SLC23A2: variants seen among roughly 807,000 people sequenced by gnomAD.
The protein encoded by SLC23A2 is solute carrier family 23 member 2.
A neutral mutation model predicts 73.3 loss-of-function variants in SLC23A2; 36 were observed. The ratio of observed to expected loss-of-function variants is 0.49; its 90% CI spans 0.38 to 0.65. The LOEUF is 0.65. SLC23A2 is among the 30% of genes least tolerant of loss of function. The pLI, the probability that SLC23A2 is intolerant of heterozygous loss-of-function variation, is 0.00. For synonymous variants in SLC23A2, 343 were observed against 327.3 expected (o/e 1.05, Z -0.52); for missense variants, 507 against 841.6 (o/e 0.60, Z 4.92).
chr20:4,873,736 G>A, intron 11 of SLC23A2, 200 bp downstream of exon 11: 1 of 483,430 alleles, frequency 2.1e-6, no homozygotes, highest in Non-Finnish European at 3.6e-6. Flanking sequence ...ATGTGAGAAG[G>A]GAGCCGGTCA....
intron 2 of SLC23A2, among the ~76,000 whole-genome samples, chr20:4,935,613 A>G (rs2086950566): frequency 6.6e-6 from 1 of 152,118 alleles, no homozygotes; most frequent in African/African-American, 2.4e-5. Flanking sequence ...CCTGGCTAAC[A>G]TGGTGAAATC....
intron 3 of SLC23A2, among the ~76,000 whole-genome samples, chr20:4,921,112 CAA>C (rs548601174): frequency 6.6e-6 from 1 of 152,118 alleles, no homozygotes; most frequent in Non-Finnish European, 1.5e-5. Context: ...AGAAACAATC[CAA>C]AGTCCCAATG....
At chr20:5,006,891 T>C (rs1486816028) in intron 1 of SLC23A2, among the ~76,000 whole-genome samples, 1 of 151,870 alleles carries the variant, frequency 6.6e-6, no homozygotes, top group Non-Finnish European at 1.5e-5. Context: ...ATCTGTCTCA[T>C]ACTAAGACAT....
At chr20:4,938,334 C>G (rs1344546609) in intron 2 of SLC23A2, among the ~76,000 whole-genome samples, 21 of 124,902 alleles carry the variant, frequency 1.7e-4, no homozygotes, top group African/African-American at 6.7e-4. Context: ...CTCATTCCAT[C>G]TTTTTTTTTT....
At chr20:4,938,093 C>G (rs1474235580) in intron 2 of SLC23A2, among the ~76,000 whole-genome samples, 1 of 149,860 alleles carries the variant, frequency 6.7e-6, no homozygotes, top group South Asian at 2.1e-4. Context: ...TGCAGTGGCG[C>G]GATCACAGTT....
At chr20:4,908,960 A>G (rs1288722714) in intron 4 of SLC23A2, among the ~76,000 whole-genome samples, 2 of 152,328 alleles carry the variant, frequency 1.3e-5, no homozygotes, top group South Asian at 2.1e-4. Flanking sequence ...GTTATAAAAC[A>G]AAGAGAATGT....
chr20:4,959,322 G>A (rs1233936155), intron 2 of SLC23A2, among the ~76,000 whole-genome samples: 4 of 152,074 alleles, frequency 2.6e-5, no homozygotes, highest in Non-Finnish European at 5.9e-5. Context: ...ATACTCTTGG[G>A]TGGGTATGCA....
In SLC23A2 at chr20:4,991,061, G is replaced by A. The variant is rs147406239; in HGVS notation, c.-282+10345C>T. Among the ~76,000 whole-genome samples, 5 of 151,946 alleles carry A rather than the reference G, an allele frequency of 3.3e-5. No homozygotes were observed. In the East Asian group the frequency reaches 7.8e-4, roughly 24 times the overall value. On this transcript the variant is annotated intron_variant, in intron 1 of 16. Coordinates refer to ENST00000338244, the MANE Select transcript of SLC23A2 (RefSeq NM_005116.6). ...CTGCTCTATACCAGTTAGTAATAGCGGGTGGGAGGGAGGTGTGAGGGGAGA... is the reference window on the plus strand; with the variant it reads ...CTGCTCTATACCAGTTAGTAATAGCAGGTGGGAGGGAGGTGTGAGGGGAGA...
At chr20:4,983,512 G>A (rs1015205184) in intron 1 of SLC23A2, among the ~76,000 whole-genome samples, 2 of 151,722 alleles carry the variant, frequency 1.3e-5, no homozygotes, top group Non-Finnish European at 2.9e-5. Context: ...CGGGCGTTGT[G>A]GCAGGTGCCT....
Position 4,902,419 on chromosome 20 carries a change from A to G in SLC23A2, c.324+23T>C. The G allele has an allele frequency of 2.4e-6, 3 of 1,274,642 alleles. No individual in the cohort carries two copies. Among genetic ancestry groups the G allele is most frequent in the Non-Finnish European group, 3.4e-6 (3 of 888,824 alleles). 79.0% of individuals were successfully genotyped at this position (1,274,642 alleles called of 1,614,324 possible). On this transcript the variant is annotated intron_variant, in intron 5 of 16. Transcript: ENST00000338244. This position sits in a 1 kb window ranked among gnomAD's most constrained non-coding sequence, Gnocchi z 4.0. ...AATGCAAACACCTGCTGGTAGTTAC[A>G]CATCCTACAGGAACCATCTTACCTG...
At position 4,994,153 on chromosome 20, in the gene SLC23A2, AG is replaced by A. The variant is rs1167794305; in HGVS notation, c.-282+7252del. ...GACCACATATACCTTACTGTGAAGC[AG>A]GATCACCAAACTTTTTCTGTAAAGG... On this transcript the variant is annotated intron_variant, in intron 1 of 16. Coordinates refer to ENST00000338244, the MANE Select transcript of SLC23A2 (RefSeq NM_005116.6). Among the ~76,000 whole-genome samples, 4 of 152,344 alleles carry A rather than the reference AG, an allele frequency of 2.6e-5. No individual in the cohort carries two copies. The East Asian group carries it at 7.7e-4, about 29-fold the overall frequency.
intron 3 of SLC23A2, among the ~76,000 whole-genome samples, chr20:4,921,649 TTC>T (rs1381159104): frequency 6.6e-6 from 1 of 152,176 alleles, no homozygotes; most frequent in Non-Finnish European, 1.5e-5. Flanking sequence ...GTAAAATATT[TTC>T]TGTTACTACC....
chr20:4,962,888 T>G (rs2087414615), intron 2 of SLC23A2, among the ~76,000 whole-genome samples: 1 of 152,086 alleles, frequency 6.6e-6, no homozygotes, highest in Non-Finnish European at 1.5e-5. Context: ...TCCCAGCTAC[T>G]CAGGGGGCTG....
chr20:4,974,786 G>GTGTTTT (rs573579194), intron 1 of SLC23A2, among the ~76,000 whole-genome samples: 1 of 151,962 alleles, frequency 6.6e-6, no homozygotes, highest in South Asian at 2.1e-4. Flanking sequence ...TATTTTTTCA[G>GTGTTTT]TGTTTTTGTT....
At chr20:4,969,378 T>TACAC (rs2122217102) in intron 2 of SLC23A2, among the ~76,000 whole-genome samples, 1 of 152,250 alleles carries the variant, frequency 6.6e-6, no homozygotes, top group African/African-American at 2.4e-5. Context: ...CATGAGCCAC[T>TACAC]ACACCCAGCC....
intron 9 of SLC23A2, 111 bp from the exon 10 acceptor site, chr20:4,874,807 G>A (rs1034569273): frequency 2.4e-6 from 2 of 849,872 alleles, no homozygotes; most frequent in Non-Finnish European, 3.5e-6. Context: ...CATTTACCTA[G>A]AAAGCTGCTA....
intron 6 of SLC23A2, among the ~76,000 whole-genome samples, chr20:4,893,738 C>A (rs1931416344): frequency 6.6e-6 from 1 of 152,224 alleles, no homozygotes; most frequent in Admixed American, 6.5e-5. Flanking sequence ...AGCACATGAA[C>A]ATGCTGTGTG....
At chr20:4,888,417 G>C (rs1369449202) in intron 6 of SLC23A2, among the ~76,000 whole-genome samples, 1 of 152,184 alleles carries the variant, frequency 6.6e-6, no homozygotes, top group Non-Finnish European at 1.5e-5. Context: ...TATGTGAAGA[G>C]GCAGTGGGTT....
chr20:4,878,478 G>A (rs75552704), intron 9 of SLC23A2, among the ~76,000 whole-genome samples: 3,034 of 152,252 alleles, frequency 0.02, 115 homozygotes, highest in African/African-American at 0.069. Context: ...GAGCTGCCAC[G>A]ACAGATTTGT....
Sources: allele counts gnomAD v4.1 joint callset (sites outside exome capture counted in the v4.1 genomes callset), GRCh38; gene constraint gnomAD v4.1.1; non-coding constraint Gnocchi (gnomAD v3.1); transcripts MANE v1.5; gene names NCBI Gene and HGNC (gene_info 2026-07-23, HGNC 2026-07-21).